The following EXT2 variants were observed in gnomAD, a reference collection of about 807,000 sequenced individuals.
The protein encoded by EXT2 is exostosin-2.
EXT2 carries 53 observed loss-of-function variants against 81.6 expected under a neutral mutation model. That is an observed-to-expected ratio of 0.65 (90% CI 0.52 to 0.82). The LOEUF (loss-of-function observed/expected upper bound fraction) is 0.82. Ranked by LOEUF, EXT2 falls within the 40% of genes least tolerant of loss-of-function variation. The pLI is 0.00. For synonymous variants in EXT2, 320 were observed against 340.0 expected, an observed-to-expected ratio of 0.94 and a Z score of 0.65; for missense variants, 774 against 910.2, an observed-to-expected ratio of 0.85 and a Z score of 1.93.
intron 8 of EXT2, among the ~76,000 whole-genome samples, chr11:44,189,600 C>G (rs1380682633): frequency 2.6e-5 from 4 of 152,064 alleles, no homozygotes; most frequent in Non-Finnish European, 5.9e-5. Context: ...TTCTAAACAA[C>G]CAGATCTTGG....
At chr11:44,100,838 G>A (rs1953971185) in intron 1 of EXT2, among the ~76,000 whole-genome samples, 1 of 152,168 alleles carries the variant, frequency 6.6e-6, no homozygotes, top group South Asian at 2.1e-4. Context: ...TGGAGGCACC[G>A]AGAACTTTGA....
At chr11:44,234,437 CT>C (rs1238471737) in intron 12 of EXT2, among the ~76,000 whole-genome samples, 194 bp downstream of exon 12, 1 of 152,048 alleles carries the variant, frequency 6.6e-6, no homozygotes, top group East Asian at 1.9e-4. Context: ...AACATATTTT[CT>C]TTTTTTATAC....
At chr11:44,196,058 C>T (rs1174329311) in intron 8 of EXT2, among the ~76,000 whole-genome samples, 1 of 152,040 alleles carries the variant, frequency 6.6e-6, no homozygotes, top group Admixed American at 6.6e-5. Context: ...ATTATCAGTG[C>T]AAAAATATTT....
rs150553945 is a variant in EXT2, at chr11:44,108,659, C to G, written c.536+411C>G. ...TAAGATTCATTCTGAAATCCTTCCT[C>G]TAAGAGATAAACATTATTAATATTT... On this transcript the variant is annotated intron_variant, in intron 2 of 13. Coordinates refer to ENST00000533608, the MANE Select transcript of EXT2 (RefSeq NM_207122.2). Among the ~76,000 whole-genome samples the G allele has an allele frequency of 4.4e-3, 677 of 152,286 alleles. 3 individuals carry two copies. The highest frequency in any genetic ancestry group is 7.0e-3 in the Non-Finnish European group (474 of 68,020).
chr11:44,127,276 A>G (rs1265726906), intron 6 of EXT2, among the ~76,000 whole-genome samples: 1 of 152,228 alleles, frequency 6.6e-6, no homozygotes, highest in Non-Finnish European at 1.5e-5. Flanking sequence ...AGGGCTTAAA[A>G]TATCACTATC....
intron 4 of EXT2, among the ~76,000 whole-genome samples, chr11:44,118,469 C>G (rs1430380999): frequency 6.6e-6 from 1 of 152,102 alleles, no homozygotes. Flanking sequence ...TACCCACAGC[C>G]TAGATTCTAT....
At chr11:44,096,663 C>G (rs1023239231) in intron 1 of EXT2, among the ~76,000 whole-genome samples, 2 of 152,176 alleles carry the variant, frequency 1.3e-5, no homozygotes, top group African/African-American at 4.8e-5. Flanking sequence ...TGGCTCTGGG[C>G]TTCAACTTGA....
At chr11:44,138,706 T>A (rs1203790523) in intron 7 of EXT2, among the ~76,000 whole-genome samples, 1 of 152,206 alleles carries the variant, frequency 6.6e-6, no homozygotes, top group Non-Finnish European at 1.5e-5. Flanking sequence ...TTGAGGAAAG[T>A]TGGTACTGGA....
chr11:44,235,546 C>T (rs1447034400), intron 12 of EXT2, among the ~76,000 whole-genome samples: 1 of 152,000 alleles, frequency 6.6e-6, no homozygotes, highest in Admixed American at 6.6e-5. Context: ...GTGCCTGGCC[C>T]CAAATTTGCT....
chr11:44,157,234 C>G (rs1315153388), intron 7 of EXT2, among the ~76,000 whole-genome samples: 1 of 152,098 alleles, frequency 6.6e-6, no homozygotes, highest in Non-Finnish European at 1.5e-5. Context: ...CGCTGCCTGG[C>G]TGCTTCTGAT....
At chr11:44,137,633 G>A (rs941826110) in intron 7 of EXT2, among the ~76,000 whole-genome samples, 3 of 152,154 alleles carry the variant, frequency 2.0e-5, no homozygotes, top group Non-Finnish European at 2.9e-5. Flanking sequence ...TGTCTTGTCT[G>A]TAGGCAAATA....
Position 44,247,055 on chromosome 11 carries a change from G to A in EXT2, c.*2768G>A, listed in dbSNP as rs1182418115. Among the ~76,000 whole-genome samples the A allele has an allele frequency of 6.6e-6, 1 of 152,218 alleles. No individual in the cohort carries two copies. Among genetic ancestry groups the A allele is most frequent in the Non-Finnish European group, 1.5e-5 (1 of 68,044 alleles). Reference sequence around the variant, plus strand: ...TGGGATGGGCCTGCTTGGAATGCCAGGGCTGGAAATACTTTTTTATTTTGC... The same window carrying A: ...TGGGATGGGCCTGCTTGGAATGCCAAGGCTGGAAATACTTTTTTATTTTGC... On this transcript the variant is annotated 3_prime_UTR_variant, in exon 14 of 14. Coordinates refer to ENST00000533608, the MANE Select transcript of EXT2 (RefSeq NM_207122.2).
At chr11:44,177,425 GCTAGC>G (rs1955173971) in intron 8 of EXT2, among the ~76,000 whole-genome samples, 1 of 152,142 alleles carries the variant, frequency 6.6e-6, no homozygotes. Flanking sequence ...CACATCTGGG[GCTAGC>G]CTCTATAGCT....
intron 8 of EXT2, among the ~76,000 whole-genome samples, chr11:44,197,394 CA>C (rs1955467556): frequency 6.6e-6 from 1 of 152,170 alleles, no homozygotes; most frequent in Non-Finnish European, 1.5e-5. Flanking sequence ...CCCAGGTCTC[CA>C]CTCTCACTCC....
rs1023753999 is a variant in EXT2 at position 44,096,262 on chromosome 11, G to T, written c.-31+410G>T. 7 of 1,535,970 alleles carry T rather than the reference G, an allele frequency of 4.6e-6. No individual in the cohort carries two copies. The African/African-American group carries it at 8.2e-5, about 18-fold the overall frequency. On this transcript the variant is annotated intron_variant, in intron 1 of 13. Coordinates refer to ENST00000533608, the MANE Select transcript of EXT2 (RefSeq NM_207122.2). ...GATTCCTCCCAGGGGGATGTCCTGCGCCTCAGGGTCCGGTGGTGGCCTGCG... is the reference window on the plus strand; with the variant it reads ...GATTCCTCCCAGGGGGATGTCCTGCTCCTCAGGGTCCGGTGGTGGCCTGCG...
At chr11:44,137,831 G>T (rs1052466850) in intron 7 of EXT2, among the ~76,000 whole-genome samples, 2 of 152,152 alleles carry the variant, frequency 1.3e-5, no homozygotes, top group African/African-American at 2.4e-5. Flanking sequence ...GACTTGCTTT[G>T]TTCCTAGTAT....
intron 7 of EXT2, among the ~76,000 whole-genome samples, chr11:44,145,065 GA>G (rs1239509463): frequency 2.0e-5 from 3 of 151,892 alleles, no homozygotes; most frequent in Non-Finnish European, 4.4e-5. Context: ...TCCATCTTCA[GA>G]AAAAAACTAG....
At chr11:44,196,161 A>G (rs1955453280) in intron 8 of EXT2, among the ~76,000 whole-genome samples, 1 of 152,240 alleles carries the variant, frequency 6.6e-6, no homozygotes, top group South Asian at 2.1e-4. Context: ...TATTTTAAAA[A>G]CATTTCACAT....
chr11:44,141,061 G>A (rs183358504), intron 7 of EXT2, among the ~76,000 whole-genome samples: 1 of 152,230 alleles, frequency 6.6e-6, no homozygotes, highest in African/African-American at 2.4e-5. Flanking sequence ...TCATCCCTCA[G>A]TATCTGTGGG....
Sources: allele counts gnomAD v4.1 joint callset (sites outside exome capture counted in the v4.1 genomes callset), GRCh38; gene constraint gnomAD v4.1.1; transcripts MANE v1.5; gene names NCBI Gene and HGNC (gene_info 2026-07-23, HGNC 2026-07-21).